The following EML6 variants were observed in gnomAD, a reference collection of about 807,000 sequenced individuals.
EML6 encodes the protein echinoderm microtubule-associated protein-like 6.
Under a neutral mutation model 240.1 loss-of-function variants are expected in EML6, and 154 were observed. That is an observed-to-expected ratio of 0.64 (90% CI 0.56 to 0.73). The LOEUF (loss-of-function observed/expected upper bound fraction) is 0.73, where lower values mean the gene tolerates loss of function less well. Ranked by LOEUF, EML6 falls within the 30% of genes least tolerant of loss-of-function variation. The pLI is 0.00. For synonymous variants in EML6, 1,148 were observed against 899.0 expected (o/e 1.28, Z -4.95); for missense variants, 2,964 against 2,474.6 (o/e 1.20, Z -4.20).
chr2:54,768,214 GT>G (rs772179863), intron 2 of EML6, among the ~76,000 whole-genome samples: 6 of 151,930 alleles, frequency 3.9e-5, no homozygotes, highest in Non-Finnish European at 5.9e-5. Context: ...ATGAAAACAT[GT>G]TGTTTTGGCC....
rs1669250437 is a variant in EML6, at chr2:54,838,157, G to T, written c.848-5890G>T. On this transcript the variant is annotated intron_variant, in intron 7 of 41. Transcript: ENST00000356458. ...CAGAGTAACTAAGACTCTAGGAAAG[G>T]CCCATAGGGCACTTCATAGTTCCTG... is the stretch of plus-strand genomic sequence containing the variant. Among the ~76,000 whole-genome samples the T allele has an allele frequency of 2.0e-5, 3 of 152,196 alleles. 1 individual carries two copies. The highest frequency in any genetic ancestry group is 4.4e-5 in the Non-Finnish European group (3 of 68,040).
rs1276717319 is a variant in EML6, at chr2:54,827,573, C to G, written c.533C>G (p.Thr178Arg). The G allele has an allele frequency of 5.8e-6, 9 of 1,551,098 alleles. No individual in the cohort carries two copies. The Middle Eastern group carries it at 6.7e-4, about 116-fold the overall frequency. ...TTATCACTTACATTGTAGTTTTGGA[C>G]ACTGTGTGGAAATGCCCTGACTGCA... ...SCGVKHIKFWTLCGNALTAKR... is the reference protein window; with the variant it reads ...SCGVKHIKFWRLCGNALTAKR... Residue 178 changes from threonine to arginine, a missense_variant, in exon 6 of 42, where the codon ACA (threonine) becomes AGA (arginine). Thr to Arg is a moderately conservative substitution (Grantham distance 71). Transcript: ENST00000356458.
At chr2:54,731,875 A>G (rs1572832674) in intron 2 of EML6, among the ~76,000 whole-genome samples, 1 of 151,556 alleles carries the variant, frequency 6.6e-6, no homozygotes, top group African/African-American at 2.4e-5. Flanking sequence ...TTTTTGAAGC[A>G]CTGTGAAATT....
intron 17 of EML6, among the ~76,000 whole-genome samples, chr2:54,883,852 C>T (rs974134611): frequency 1.3e-5 from 2 of 152,176 alleles, no homozygotes; most frequent in African/African-American, 4.8e-5. Flanking sequence ...TAAACATTTA[C>T]ATGCCATCAT....
At chr2:54,788,160 G>C (rs760891531) in intron 2 of EML6, among the ~76,000 whole-genome samples, 25 of 152,328 alleles carry the variant, frequency 1.6e-4, no homozygotes, top group Non-Finnish European at 2.8e-4. Flanking sequence ...GGCTTAGGTC[G>C]CCAGGTTCTC....
chr2:54,958,114 C>T (rs965281136), intron 33 of EML6, 116 bp downstream of exon 33: 30 of 856,316 alleles, frequency 3.5e-5, no homozygotes, highest in Non-Finnish European at 4.8e-5. Context: ...AAGCCATTTC[C>T]ACATTCGCTC....
chr2:54,912,951 T>C (rs1046329028), intron 25 of EML6, among the ~76,000 whole-genome samples: 2 of 152,152 alleles, frequency 1.3e-5, no homozygotes, highest in African/African-American at 4.8e-5. Context: ...AGTAGAATGG[T>C]AATTCTTTTT....
chr2:54,848,872 A>G (rs367627076), intron 9 of EML6, among the ~76,000 whole-genome samples: 2 of 152,244 alleles, frequency 1.3e-5, no homozygotes, highest in African/African-American at 4.8e-5. Context: ...GAATGATTAC[A>G]TCACAATTTA....
At chr2:54,760,238 A>G (rs1167307608) in intron 2 of EML6, among the ~76,000 whole-genome samples, 2 of 151,822 alleles carry the variant, frequency 1.3e-5, no homozygotes, top group South Asian at 4.2e-4. Context: ...AACATTCCAA[A>G]TGAAGCTTTC....
At chr2:54,838,027 T>C (rs1669243265) in intron 7 of EML6, among the ~76,000 whole-genome samples, 1 of 152,252 alleles carries the variant, frequency 6.6e-6, no homozygotes, top group African/African-American at 2.4e-5. Flanking sequence ...CCAAATGGTT[T>C]GTTCTCTTTG....
Position 54,903,028 on chromosome 2 carries a change from G to A in EML6, c.3125-16G>A. The A allele has an allele frequency of 1.3e-6, 2 of 1,542,114 alleles. No individual in the cohort carries two copies. Among genetic ancestry groups the A allele is most frequent in the Non-Finnish European group, 1.7e-6 (2 of 1,144,092 alleles). ...AAGTTTTGGATAATAAGTGTTTTTT[G>A]TGGATTCTTCTGTAGGTGGAAGATG... On this transcript the variant is annotated splice_polypyrimidine_tract_variant and intron_variant, in intron 22 of 41. Coordinates refer to ENST00000356458, the MANE Select transcript of EML6 (RefSeq NM_001039753.4).
chr2:54,928,613 C>T lies in EML6; in HGVS notation c.3878-12C>T. On this transcript the variant is annotated splice_polypyrimidine_tract_variant and intron_variant, in intron 27 of 41. Transcript: ENST00000356458. ...AACCAACTGGCTCCCCAATCTCTTT[C>T]TGTTGTTTGAGGCTATGACAGCGAT... 1 of 1,552,166 alleles carries T rather than the reference C, an allele frequency of 6.4e-7. No individual in the cohort carries two copies.
At chr2:54,901,689 G>C (rs1398916421) in intron 22 of EML6, among the ~76,000 whole-genome samples, 1 of 152,136 alleles carries the variant, frequency 6.6e-6, no homozygotes, top group Non-Finnish European at 1.5e-5. Flanking sequence ...CATTGTCTCA[G>C]TACTGGCACG....
intron 28 of EML6, among the ~76,000 whole-genome samples, chr2:54,931,433 G>A (rs1271760374): frequency 6.6e-6 from 1 of 152,116 alleles, no homozygotes; most frequent in Non-Finnish European, 1.5e-5. Flanking sequence ...CTAGCATCCT[G>A]GAATGACAGA....
chr2:54,950,938 T>C (rs780976055), intron 30 of EML6, among the ~76,000 whole-genome samples, 159 bp downstream of exon 30: 1 of 152,180 alleles, frequency 6.6e-6, no homozygotes, highest in Non-Finnish European at 1.5e-5. Flanking sequence ...ACGCTCAGGT[T>C]CAGTTACCAG....
intron 25 of EML6, among the ~76,000 whole-genome samples, chr2:54,915,208 G>C (rs1332963127): frequency 1.3e-5 from 2 of 152,150 alleles, no homozygotes; most frequent in African/African-American, 2.4e-5. Flanking sequence ...TTCGACATTT[G>C]CTTCCCCTGG....
rs1384069638 is a variant in EML6 at position 54,866,791 on chromosome 2, T to C, written c.1958T>C (p.Leu653Pro). The C allele has an allele frequency of 6.4e-7, 1 of 1,550,928 alleles. No individual in the cohort carries two copies. The highest frequency in any genetic ancestry group is 2.0e-5 in the Admixed American group (1 of 51,000). The part of the protein sequence containing the change: ...RQVYKEDLPQ[L>P]KQQSKEKNHA... The stretch of plus-strand genomic sequence containing the variant: ...GTTTACAAAGAAGATCTACCTCAGC[T>C]AAAGCAACAAAGTAAAGAGAAAAAC... The change falls in exon 14 of 42, where the codon CTA (leucine) becomes CCA (proline). Residue 653 changes from leucine to proline, a missense_variant. By Grantham distance (98) the Leu-to-Pro change is moderately conservative. Transcript: ENST00000356458.
Position 54,885,180 on chromosome 2 carries a change from C to G in EML6, c.2438+5540C>G, listed in dbSNP as rs567923319. Among the ~76,000 whole-genome samples, 112 of 152,148 alleles carry G rather than the reference C, an allele frequency of 7.4e-4. No individual in the cohort carries two copies. The Middle Eastern group carries it at 0.017, about 23-fold the overall frequency. On this transcript the variant is annotated intron_variant, in intron 17 of 41. Transcript: ENST00000356458. ...TCAAAAAAAACCTGGCACGGTGGCT[C>G]ACGCCTGTAATCCCAGCACTTTGGG... is the stretch of plus-strand genomic sequence containing the variant.
chr2:54,795,689 G>A (rs932308656), intron 2 of EML6, among the ~76,000 whole-genome samples: 1 of 152,144 alleles, frequency 6.6e-6, no homozygotes, highest in Non-Finnish European at 1.5e-5. Context: ...GCGCTGCCCC[G>A]ATGGTGCTCT....
Sources: gnomAD v4.1 joint callset for allele counts (sites outside exome capture counted in the v4.1 genomes callset) on GRCh38, gnomAD v4.1.1 for gene constraint, MANE v1.5 for transcripts, NCBI Gene and HGNC (gene_info 2026-07-23, HGNC 2026-07-21) for gene names.